Variants in NUSAP1 observed in about 807,000 individuals in gnomAD.
The protein encoded by NUSAP1 is nucleolar and spindle-associated protein 1.
NUSAP1 carries 32 observed loss-of-function variants against 52.8 expected under a neutral mutation model. That is an observed-to-expected ratio of 0.61 (90% CI 0.46 to 0.81). The LOEUF (loss-of-function observed/expected upper bound fraction) is 0.81, where lower values mean the gene tolerates loss of function less well. Ranked by LOEUF, NUSAP1 falls within the 40% of genes least tolerant of loss-of-function variation. The pLI, the probability that NUSAP1 is intolerant of heterozygous loss-of-function variation, is 0.00. For missense variants in NUSAP1, 499 were observed against 522.3 expected (o/e 0.96, Z 0.43); for synonymous variants, 195 against 183.1 (o/e 1.06, Z -0.52).
chr15:41,349,930 C>T (rs2048720688), intron 3 of NUSAP1, among the ~76,000 whole-genome samples: 1 of 151,956 alleles, frequency 6.6e-6, no homozygotes, highest in African/African-American at 2.4e-5. Flanking sequence ...CCACGCCCAA[C>T]TAATTTTTGT....
At position 41,380,243 on chromosome 15, in the gene NUSAP1, A is replaced by AT. The variant is rs11376196; in HGVS notation, c.*69dup. On this transcript the variant is annotated 3_prime_UTR_variant, in exon 11 of 11. Transcript: ENST00000559596. ...ATTCTCAACTTTTTTCCTTTTGTAAATTTTTTTTTTTTGCTGTCATCCCCA... is the reference window on the plus strand; with the variant it reads ...ATTCTCAACTTTTTTCCTTTTGTAAATTTTTTTTTTTTTGCTGTCATCCCCA... 0.31 allele frequency: 314,645 copies of AT among 1,029,390 alleles called. 14,654 individuals carry two copies. The highest frequency in any genetic ancestry group is 0.48 in the East Asian group (15,907 of 33,448). The allele number at this position is 1,029,390 out of a possible 1,614,324, so 63.8% of individuals were successfully genotyped here.
At chr15:41,366,928 G>C (rs2049443304) in intron 7 of NUSAP1, among the ~76,000 whole-genome samples, 1 of 152,208 alleles carries the variant, frequency 6.6e-6, no homozygotes, top group South Asian at 2.1e-4. Context: ...TTTAAGTGGG[G>C]TGTGTTGGCC....
chr15:41,366,316 A>C (rs2049410602), intron 7 of NUSAP1, among the ~76,000 whole-genome samples: 1 of 138,442 alleles, frequency 7.2e-6, no homozygotes, highest in Non-Finnish European at 1.5e-5. Context: ...CTTCATTCAG[A>C]GTCTCACTCC....
intron 1 of NUSAP1, among the ~76,000 whole-genome samples, chr15:41,335,708 A>C (rs1436256028): frequency 1.4e-5 from 2 of 142,904 alleles, no homozygotes. Flanking sequence ...GTTTAGTATA[A>C]ATATACTAAA....
chr15:41,380,288 T>C lies in NUSAP1; in HGVS notation c.*102T>C, dbSNP rs1452235211. On this transcript the variant is annotated 3_prime_UTR_variant, in exon 11 of 11. Coordinates refer to ENST00000559596, the MANE Select transcript of NUSAP1 (RefSeq NM_016359.5). The stretch of plus-strand genomic sequence containing the variant: ...TCCCCACTTTAGTCACGAGATCTTT[T>C]TCTGCTAACTGTTCATAGTCTGTGT... 2.8e-6 allele frequency: 2 copies of C among 723,538 alleles called. No homozygotes were observed. The highest frequency in any genetic ancestry group is 4.7e-6 in the Non-Finnish European group (2 of 426,424). 44.8% of individuals were successfully genotyped at this position (723,538 alleles called of 1,614,324 possible).
intron 9 of NUSAP1, among the ~76,000 whole-genome samples, chr15:41,376,578 C>T (rs2049945810): frequency 6.6e-6 from 1 of 151,094 alleles, no homozygotes; most frequent in African/African-American, 2.4e-5. Context: ...GTAGTCTCAA[C>T]TACTCGGGAG....
In NUSAP1 at chr15:41,357,115, C is replaced by T. The variant is rs534574098; in HGVS notation, c.550+975C>T. 3.9e-5 allele frequency among the ~76,000 whole-genome samples: 6 copies of T among 152,152 alleles called. No homozygotes were observed. In the East Asian group the frequency reaches 9.7e-4, roughly 25 times the overall value. ...CGGGTGCGGTTCTCACACCTGTAAT[C>T]CCAGCACTTTGGGAGGCCCAGGGGG... On this transcript the variant is annotated intron_variant, in intron 5 of 10. Coordinates refer to ENST00000559596, the MANE Select transcript of NUSAP1 (RefSeq NM_016359.5).
chr15:41,336,648 G>GTTTTTTTTTTT lies in NUSAP1; in HGVS notation c.93+3609_93+3619dup, dbSNP rs75426159. Among the ~76,000 whole-genome samples, 169 of 91,342 alleles carry GTTTTTTTTTTT rather than the reference G, an allele frequency of 1.9e-3. 7 individuals carry two copies. Among genetic ancestry groups the GTTTTTTTTTTT allele is most frequent in the African/African-American group, 6.3e-3 (156 of 24,948 alleles). The allele number at this position is 91,342 out of a possible 152,430, so 59.9% of individuals were successfully genotyped here. ...TGGGCATTTGATCCTCCTCCTTTTG[G>GTTTTTTTTTTT]TTTTTTTTTTTTTTTTTTTTTGAGA... On this transcript the variant is annotated intron_variant, in intron 1 of 10. Coordinates refer to ENST00000559596, the MANE Select transcript of NUSAP1 (RefSeq NM_016359.5).
Position 41,380,203 on chromosome 15 carries a change from T to A in NUSAP1, c.*17T>A. The A allele has an allele frequency of 6.6e-7, 1 of 1,517,028 alleles. No homozygotes were observed. Among genetic ancestry groups the A allele is most frequent in the Non-Finnish European group, 8.9e-7 (1 of 1,118,280 alleles). 94.0% of individuals were successfully genotyped at this position (1,517,028 alleles called of 1,614,324 possible). A position where few individuals can be genotyped will look rare whatever the true frequency, so the allele number is the denominator to read the frequency against. On this transcript the variant is annotated 3_prime_UTR_variant, in exon 11 of 11. Coordinates refer to ENST00000559596, the MANE Select transcript of NUSAP1 (RefSeq NM_016359.5). The stretch of plus-strand genomic sequence containing the variant: ...GAAGATTAATAATTTTTTAACATCT[T>A]GTAAATATTCCTGTATTCTCAACTT...
At chr15:41,373,346 G>A (rs1457491123) in intron 8 of NUSAP1, among the ~76,000 whole-genome samples, 1 of 150,730 alleles carries the variant, frequency 6.6e-6, no homozygotes, top group Non-Finnish European at 1.5e-5. Flanking sequence ...TCACATCACT[G>A]TACTCCAGCC....
At chr15:41,335,274 A>ATT (rs2048075347) in intron 1 of NUSAP1, among the ~76,000 whole-genome samples, 2 of 145,486 alleles carry the variant, frequency 1.4e-5, no homozygotes, top group African/African-American at 5.0e-5. Flanking sequence ...TATATACTAT[A>ATT]TATATTATTA....
intron 4 of NUSAP1, 83 bp downstream of exon 4, chr15:41,351,212 C>G (rs762709891): frequency 9.0e-5 from 125 of 1,393,100 alleles, no homozygotes; most frequent in Non-Finnish European, 1.2e-4. Context: ...TTTCCTAGGA[C>G]TGTTGTGACA....
rs537788212 is a variant in NUSAP1 at position 41,332,902 on chromosome 15, G to C, written c.-56G>C. 1.4e-4 allele frequency: 196 copies of C among 1,391,648 alleles called. 1 individual carries two copies. The Middle Eastern group carries it at 4.2e-3, about 30-fold the overall frequency. 86.2% of individuals were successfully genotyped at this position (1,391,648 alleles called of 1,614,324 possible). A position where few individuals can be genotyped will look rare whatever the true frequency, so the allele number is the denominator to read the frequency against. ...AAGAGTGGCGCCAGGGATTTGAACC[G>C]CGCTGACGAAGTTTGGTGATCCATC... On this transcript the variant is annotated 5_prime_UTR_variant, in exon 1 of 11. Transcript: ENST00000559596.
In NUSAP1 at chr15:41,365,349, G is replaced by C. The variant is rs917960971; in HGVS notation, c.661-53G>C. ...TTTTTGTATTTTTAGTAGAGATGGG[G>C]TTTCACCATGTTGGAGAGGCCAAGC... On this transcript the variant is annotated intron_variant, in intron 6 of 10. Coordinates refer to ENST00000559596, the MANE Select transcript of NUSAP1 (RefSeq NM_016359.5). 1.0e-4 allele frequency: 149 copies of C among 1,438,884 alleles called. No homozygotes were observed. The Admixed American group carries it at 3.1e-3, about 30-fold the overall frequency. 89.1% of individuals were successfully genotyped at this position (1,438,884 alleles called of 1,614,324 possible). A position where few individuals can be genotyped will look rare whatever the true frequency, so the allele number is the denominator to read the frequency against.
At chr15:41,363,452 G>A (rs1445576157) in intron 6 of NUSAP1, among the ~76,000 whole-genome samples, 40 of 151,870 alleles carry the variant, frequency 2.6e-4, no homozygotes, top group Non-Finnish European at 4.0e-4. Context: ...ATGGTTCACT[G>A]TAGCCTCAAC....
chr15:41,371,315 T>C (rs565447192), intron 7 of NUSAP1, among the ~76,000 whole-genome samples: 2 of 152,316 alleles, frequency 1.3e-5, no homozygotes, highest in South Asian at 4.1e-4. Flanking sequence ...GACAAGAACA[T>C]ATTTTACAAA....
At chr15:41,337,885 T>C (rs2048217667) in intron 1 of NUSAP1, among the ~76,000 whole-genome samples, 1 of 151,676 alleles carries the variant, frequency 6.6e-6, no homozygotes, top group Non-Finnish European at 1.5e-5. Context: ...CTATGCTCTA[T>C]CCCTCGGTGA....
Position 41,371,697 on chromosome 15 carries a change from A to G in NUSAP1, c.1006+13A>G. Reference sequence around the variant, plus strand: ...AATTCTGCTGCTGGTAAAAAAAAAAAAAAACAAAAGAAATCTGTTTCATTT... The same window carrying G: ...AATTCTGCTGCTGGTAAAAAAAAAAGAAAACAAAAGAAATCTGTTTCATTT... On this transcript the variant is annotated intron_variant, in intron 8 of 10. Transcript: ENST00000559596. 1 of 1,577,668 alleles carries G rather than the reference A, an allele frequency of 6.3e-7. No individual in the cohort carries two copies. Among genetic ancestry groups the G allele is most frequent in the East Asian group, 2.2e-5 (1 of 44,586 alleles).
chr15:41,347,537 C>T (rs766945414), intron 2 of NUSAP1, among the ~76,000 whole-genome samples: 7 of 151,930 alleles, frequency 4.6e-5, no homozygotes, highest in Non-Finnish European at 1.0e-4. Flanking sequence ...TAGACATGGC[C>T]GGGTGCGGTG....
Sources: allele counts gnomAD v4.1 joint callset (sites outside exome capture counted in the v4.1 genomes callset), GRCh38; gene constraint gnomAD v4.1.1; transcripts MANE v1.5; gene names NCBI Gene and HGNC (gene_info 2026-07-23, HGNC 2026-07-21).